TMEFF1: variants seen among roughly 807,000 people sequenced by gnomAD.
The protein encoded by TMEFF1 is transmembrane protein with EGF like and two follistatin like domains 1, also known as tomoregulin-1.
In TMEFF1, 20 loss-of-function variants were observed where a neutral mutation model predicts 47.5. That is an observed-to-expected ratio of 0.42 (90% CI 0.30 to 0.61). TMEFF1 has a LOEUF of 0.61. TMEFF1 is among the 20% of genes least tolerant of loss of function. The pLI, the probability that TMEFF1 is intolerant of heterozygous loss-of-function variation, is 0.19. For missense variants in TMEFF1, 411 were observed against 471.1 expected, an observed-to-expected ratio of 0.87 and a Z score of 1.18; for synonymous variants, 162 against 166.3, an observed-to-expected ratio of 0.97 and a Z score of 0.20.
chr9:100,486,989 C>T (rs906070942), intron 1 of TMEFF1, among the ~76,000 whole-genome samples: 19 of 152,154 alleles, frequency 1.2e-4, no homozygotes, highest in African/African-American at 3.6e-4. Flanking sequence ...TTGTTTTGCA[C>T]GTGAAACTAA....
At chr9:100,499,898 T>C (rs1228958538) in intron 2 of TMEFF1, among the ~76,000 whole-genome samples, 1 of 152,226 alleles carries the variant, frequency 6.6e-6, no homozygotes. Context: ...GGTATACTGT[T>C]GTCCAGCCAG....
At chr9:100,553,781 T>A (rs1838868500) in intron 7 of TMEFF1, among the ~76,000 whole-genome samples, 1 of 152,212 alleles carries the variant, frequency 6.6e-6, no homozygotes, top group African/African-American at 2.4e-5. Context: ...TCAGCAGCTG[T>A]CAGCATTGTC....
chr9:100,509,308 C>T (rs1248802135), intron 3 of TMEFF1, among the ~76,000 whole-genome samples, 174 bp downstream of exon 3: 1 of 152,076 alleles, frequency 6.6e-6, no homozygotes, highest in Non-Finnish European at 1.5e-5. Flanking sequence ...TTTTCAACCC[C>T]AGGTGGTCTT....
intron 7 of TMEFF1, among the ~76,000 whole-genome samples, chr9:100,560,014 T>A (rs1215011034): frequency 6.6e-6 from 1 of 152,154 alleles, no homozygotes; most frequent in Non-Finnish European, 1.5e-5. Context: ...TCTCAGGGTT[T>A]TTTTACACTT....
chr9:100,530,389 A>C (rs1838354361), intron 5 of TMEFF1, among the ~76,000 whole-genome samples: 2 of 152,152 alleles, frequency 1.3e-5, no homozygotes, highest in East Asian at 3.8e-4. Flanking sequence ...CGCAATAAAA[A>C]ATGATAAAGG....
chr9:100,547,749 T>C lies in TMEFF1; in HGVS notation c.566T>C (p.Val189Ala). The change falls in exon 6 of 10, where the codon GTA (valine) becomes GCA (alanine). Residue 189 changes from valine (V) to alanine (A), a missense_variant. By Grantham distance (64) the Val-to-Ala change is moderately conservative. Coordinates refer to ENST00000374879, the MANE Select transcript of TMEFF1 (RefSeq NM_003692.5). ...CDEDAENVGC[V>A]CNIDCSGYSF... Reference sequence around the variant, plus strand: ...ATTTTTGTCTTTTCCAACAGGTGTGTATGTAATATAGATTGCAGTGGATAC... The same window carrying C: ...ATTTTTGTCTTTTCCAACAGGTGTGCATGTAATATAGATTGCAGTGGATAC... 2 of 1,557,804 alleles carry C rather than the reference T, an allele frequency of 1.3e-6. No individual in the cohort carries two copies. The highest frequency in any genetic ancestry group is 2.8e-5 in the African/African-American group (2 of 72,350).
intron 4 of TMEFF1, among the ~76,000 whole-genome samples, chr9:100,514,731 A>G (rs1838031631): frequency 6.6e-6 from 1 of 150,930 alleles, no homozygotes; most frequent in Admixed American, 6.6e-5. Flanking sequence ...ACAGTGGCTC[A>G]TGCCTGTAAT....
At chr9:100,559,382 G>C (rs1276322884) in intron 7 of TMEFF1, among the ~76,000 whole-genome samples, 1 of 152,200 alleles carries the variant, frequency 6.6e-6, no homozygotes, top group Admixed American at 6.5e-5. Flanking sequence ...AAGGTGATCA[G>C]TAGATGATAA....
chr9:100,553,889 AC>A (rs1838870426), intron 7 of TMEFF1, among the ~76,000 whole-genome samples: 1 of 152,146 alleles, frequency 6.6e-6, no homozygotes, highest in South Asian at 2.1e-4. Context: ...ACAAATCTTG[AC>A]CAATGAATAT....
chr9:100,547,488 A>G (rs1006757213), intron 5 of TMEFF1, among the ~76,000 whole-genome samples: 1 of 152,208 alleles, frequency 6.6e-6, no homozygotes, highest in African/African-American at 2.4e-5. Flanking sequence ...GATATTTGAC[A>G]TCTCCTGATT....
chr9:100,515,811 C>CAAAA (rs575964606), intron 4 of TMEFF1, among the ~76,000 whole-genome samples: 7 of 146,588 alleles, frequency 4.8e-5, no homozygotes, highest in South Asian at 2.2e-4. Context: ...AACAAACAAA[C>CAAAA]AAAAAAAAAA....
chr9:100,516,599 G>T, intron 4 of TMEFF1, 76 bp from the exon 5 acceptor site: 1 of 1,539,466 alleles, frequency 6.5e-7, no homozygotes, highest in South Asian at 1.3e-5. Flanking sequence ...ACAGGATAAT[G>T]ACTGCTGAAA....
chr9:100,522,940 G>A (rs370257172), intron 5 of TMEFF1, among the ~76,000 whole-genome samples: 3 of 152,022 alleles, frequency 2.0e-5, no homozygotes, highest in Non-Finnish European at 2.9e-5. Context: ...GGGTTTCACC[G>A]TGTTAACCAG....
chr9:100,498,962 T>C, intron 2 of TMEFF1, 88 bp downstream of exon 2: 1 of 1,404,718 alleles, frequency 7.1e-7, no homozygotes, highest in Non-Finnish European at 9.7e-7. Context: ...CTAAAACACC[T>C]TGAACCCCAT....
At chr9:100,544,526 C>T (rs139457051) in intron 5 of TMEFF1, among the ~76,000 whole-genome samples, 313 of 152,320 alleles carry the variant, frequency 2.1e-3, no homozygotes, top group African/African-American at 7.0e-3. Context: ...TCCCACGACA[C>T]GTGGGAATTG....
At chr9:100,556,914 C>T (rs192419612) in intron 7 of TMEFF1, among the ~76,000 whole-genome samples, 1 of 151,970 alleles carries the variant, frequency 6.6e-6, no homozygotes, top group Non-Finnish European at 1.5e-5. Flanking sequence ...GGTGCGATCT[C>T]AGCTCACTGC....
At chr9:100,566,108 CTG>C (rs1388130289) in intron 8 of TMEFF1, among the ~76,000 whole-genome samples, 8 of 152,174 alleles carry the variant, frequency 5.3e-5, no homozygotes, top group Non-Finnish European at 1.0e-4. Flanking sequence ...AAGAATTATA[CTG>C]TCTCTTGTTT....
At chr9:100,550,303 T>A in intron 7 of TMEFF1, 143 bp downstream of exon 7, 1 of 666,914 alleles carries the variant, frequency 1.5e-6, no homozygotes, top group Non-Finnish European at 2.3e-6. Flanking sequence ...TTATTAGTAT[T>A]AATAGTAACA....
At position 100,473,774 on chromosome 9, in the gene TMEFF1, C is replaced by G; in HGVS notation, c.196+34C>G. 6.9e-7 allele frequency: 1 copy of G among 1,442,394 alleles called. No individual in the cohort carries two copies. The highest frequency in any genetic ancestry group is 9.2e-7 in the Non-Finnish European group (1 of 1,088,146). 89.3% of individuals were successfully genotyped at this position (1,442,394 alleles called of 1,614,324 possible). A position where few individuals can be genotyped will look rare whatever the true frequency, so the allele number is the denominator to read the frequency against. On this transcript the variant is annotated intron_variant, in intron 1 of 9. Transcript: ENST00000374879. The surrounding 1 kb of genome is among the most constrained non-coding windows in gnomAD (Gnocchi z 5.4). ...GGTCGGAGCCGGCCCTAGGTCTTCC[C>G]ACCCCTCCGTTGCCGCCTCCCTCGT...
Sources: gnomAD v4.1 joint callset for allele counts (sites outside exome capture counted in the v4.1 genomes callset) on GRCh38, gnomAD v4.1.1 for gene constraint, Gnocchi (gnomAD v3.1) non-coding constraint, MANE v1.5 for transcripts, NCBI Gene and HGNC (gene_info 2026-07-23, HGNC 2026-07-21) for gene names.